The following XKR4 variants were observed in gnomAD, a reference collection of about 807,000 sequenced individuals.
The protein encoded by XKR4 is XK related 4, also known as XK-related protein 4.
A neutral mutation model predicts 53.9 loss-of-function variants in XKR4; 12 were observed. The ratio of observed to expected loss-of-function variants is 0.22; its 90% CI spans 0.14 to 0.36. XKR4 has a LOEUF of 0.36. Among genes scored for constraint, XKR4 ranks in the 10% least tolerant of loss-of-function variants. The probability of loss-of-function intolerance (pLI) is 1.00; values close to 1 mark genes in which losing one functional copy is unlikely to be tolerated. For missense variants in XKR4, 799 were observed against 859.5 expected (o/e 0.93, Z 0.88); for synonymous variants, 354 against 362.4 (o/e 0.98, Z 0.26).
intron 2 of XKR4, among the ~76,000 whole-genome samples, chr8:55,455,698 C>G (rs576111295): frequency 3.9e-5 from 6 of 152,318 alleles, no homozygotes; most frequent in Admixed American, 3.9e-4. Flanking sequence ...CCACACATTT[C>G]TGGCCTGCAG....
At chr8:55,150,342 G>A (rs1816824346) in intron 1 of XKR4, among the ~76,000 whole-genome samples, 1 of 152,172 alleles carries the variant, frequency 6.6e-6, no homozygotes, top group African/African-American at 2.4e-5. Context: ...GCAGGCTGAT[G>A]CTGGTATGTT....
intron 1 of XKR4, among the ~76,000 whole-genome samples, chr8:55,162,396 A>G (rs1816997685): frequency 6.6e-6 from 1 of 152,236 alleles, no homozygotes; most frequent in Non-Finnish European, 1.5e-5. Context: ...AGATAGACCT[A>G]AATGTTACTA....
intron 1 of XKR4, among the ~76,000 whole-genome samples, chr8:55,215,035 T>A (rs2129364335): frequency 6.6e-6 from 1 of 151,724 alleles, no homozygotes; most frequent in African/African-American, 2.4e-5. Flanking sequence ...AACATCTTTA[T>A]CATTTGCCTT....
chr8:55,310,083 CAT>C (rs1385521939), intron 1 of XKR4, among the ~76,000 whole-genome samples: 1 of 151,812 alleles, frequency 6.6e-6, no homozygotes, highest in East Asian at 1.9e-4. Flanking sequence ...TTGAAGAAAA[CAT>C]GTATAACTTT....
At chr8:55,135,641 G>C (rs1177906448) in intron 1 of XKR4, 1 of 456,170 alleles carries the variant, frequency 2.2e-6, no homozygotes, top group Non-Finnish European at 4.4e-6. Context: ...ATGGCTCCCT[G>C]GATAGAGGAG....
intron 2 of XKR4, among the ~76,000 whole-genome samples, chr8:55,496,224 C>A (rs549936694): frequency 6.6e-6 from 1 of 152,312 alleles, no homozygotes; most frequent in East Asian, 1.9e-4. Flanking sequence ...AGCTCTAATG[C>A]TTAATGGATA....
At chr8:55,142,938 C>T (rs1816726125) in intron 1 of XKR4, among the ~76,000 whole-genome samples, 1 of 152,186 alleles carries the variant, frequency 6.6e-6, no homozygotes, top group Non-Finnish European at 1.5e-5. Context: ...GCAGCGGTCC[C>T]TTGTGGGTGA....
chr8:55,524,515 A>G lies in XKR4; in HGVS notation c.*288A>G. The G allele has an allele frequency of 2.5e-6, 1 of 400,000 alleles. No homozygotes were observed. The highest frequency in any genetic ancestry group is 4.8e-5 in the South Asian group (1 of 20,884). The allele number at this position is 400,000 out of a possible 1,614,324, so 24.8% of individuals were successfully genotyped here. A position where few individuals can be genotyped will look rare whatever the true frequency, so the allele number is the denominator to read the frequency against. ...GTCTTGGGTGCACCCACCAGAGGGT[A>G]CTACTATTATGGAAAAATTTTGCCT... is the stretch of plus-strand genomic sequence containing the variant. On this transcript the variant is annotated 3_prime_UTR_variant, in exon 3 of 3. Transcript: ENST00000327381.
At chr8:55,373,533 G>T (rs1024483663) in intron 2 of XKR4, among the ~76,000 whole-genome samples, 1 of 151,998 alleles carries the variant, frequency 6.6e-6, no homozygotes, top group Non-Finnish European at 1.5e-5. Context: ...ATTTGATGGG[G>T]CATGAACTTC....
At chr8:55,363,370 G>C (rs1284363464) in intron 2 of XKR4, among the ~76,000 whole-genome samples, 1 of 152,184 alleles carries the variant, frequency 6.6e-6, no homozygotes, top group Non-Finnish European at 1.5e-5. Context: ...GAAAGGAAAA[G>C]GGAAACAGGG....
chr8:55,142,067 C>A (rs1340546984), intron 1 of XKR4: 2 of 455,830 alleles, frequency 4.4e-6, no homozygotes, highest in East Asian at 7.0e-5. Flanking sequence ...AGCCTTGCAG[C>A]CTCCCTGGTG....
At chr8:55,355,982 C>G (rs1407149076) in intron 1 of XKR4, among the ~76,000 whole-genome samples, 1 of 152,172 alleles carries the variant, frequency 6.6e-6, no homozygotes, top group Non-Finnish European at 1.5e-5. Context: ...CCAAAAGAAC[C>G]TATACTCACC....
At chr8:55,464,845 GACAA>G (rs1206900908) in intron 2 of XKR4, among the ~76,000 whole-genome samples, 36 of 152,226 alleles carry the variant, frequency 2.4e-4, no homozygotes, top group East Asian at 7.7e-4. Flanking sequence ...ACCAAAAACA[GACAA>G]ACAGAGAGCC....
At chr8:55,172,943 T>C (rs1490484650) in intron 1 of XKR4, among the ~76,000 whole-genome samples, 1 of 152,224 alleles carries the variant, frequency 6.6e-6, no homozygotes, top group Non-Finnish European at 1.5e-5. Context: ...TAGTGTTTTC[T>C]TTTCCTCTGA....
intron 1 of XKR4, chr8:55,140,034 C>T (rs1034573547): frequency 3.5e-6 from 1 of 282,048 alleles, no homozygotes. Flanking sequence ...AAAATTGAGA[C>T]TCTTACTGAG....
At chr8:55,366,265 A>G (rs1803985073) in intron 2 of XKR4, among the ~76,000 whole-genome samples, 1 of 152,210 alleles carries the variant, frequency 6.6e-6, no homozygotes, top group Non-Finnish European at 1.5e-5. Context: ...TTTCGGGTGG[A>G]GGGAGCTGGC....
rs78374425 is a variant in XKR4, at chr8:55,117,379, T to G, written c.806+14085T>G. Among the ~76,000 whole-genome samples, 663 of 152,336 alleles carry G rather than the reference T, an allele frequency of 4.4e-3. 7 individuals are homozygous for G. The highest frequency in any genetic ancestry group is 0.015 in the African/African-American group (622 of 41,582). On this transcript the variant is annotated intron_variant, in intron 1 of 2. Transcript: ENST00000327381. ...TAGCTGCTGGTAAAAATGGACTCTTTAGGAGACAAAATCCCTAATATGAGT... is the reference window on the plus strand; with the variant it reads ...TAGCTGCTGGTAAAAATGGACTCTTGAGGAGACAAAATCCCTAATATGAGT...
intron 1 of XKR4, among the ~76,000 whole-genome samples, chr8:55,159,337 A>G (rs549950269): frequency 2.0e-5 from 3 of 152,354 alleles, no homozygotes; most frequent in African/African-American, 7.2e-5. Flanking sequence ...GAACAAAGCA[A>G]ACATCCCTGC....
chr8:55,463,847 C>CTATT (rs1805706221), intron 2 of XKR4, among the ~76,000 whole-genome samples: 3 of 152,116 alleles, frequency 2.0e-5, no homozygotes, highest in African/African-American at 4.8e-5. Context: ...ACTATAAACA[C>CTATT]CTCTACACAA....
Sources: gnomAD v4.1 joint callset for allele counts (sites outside exome capture counted in the v4.1 genomes callset) on GRCh38, gnomAD v4.1.1 for gene constraint, MANE v1.5 for transcripts, NCBI Gene and HGNC (gene_info 2026-07-23, HGNC 2026-07-21) for gene names.